Variants in IMMP2L observed in about 807,000 individuals in gnomAD.
The protein encoded by IMMP2L is inner mitochondrial membrane peptidase subunit 2, also known as mitochondrial inner membrane protease subunit 2.
IMMP2L carries 18 observed loss-of-function variants against 19.3 expected under a neutral mutation model. That is an observed-to-expected ratio of 0.93 (90% CI 0.64 to 1.38). The LOEUF (loss-of-function observed/expected upper bound fraction) is 1.38, where lower values mean the gene tolerates loss of function less well. IMMP2L is among the 40% of genes most tolerant of loss of function. The probability of loss-of-function intolerance (pLI) is 0.00; values close to 1 mark genes in which losing one functional copy is unlikely to be tolerated. For synonymous variants in IMMP2L, 76 were observed against 73.0 expected, an observed-to-expected ratio of 1.04 and a Z score of -0.21; for missense variants, 233 against 218.2, an observed-to-expected ratio of 1.07 and a Z score of -0.43.
intron 3 of IMMP2L, among the ~76,000 whole-genome samples, chr7:110,981,032 G>T (rs1298971591): frequency 1.3e-5 from 2 of 152,260 alleles, no homozygotes; most frequent in Non-Finnish European, 2.9e-5. Flanking sequence ...CCTCAGTAAA[G>T]TACACTATTA....
intron 3 of IMMP2L, among the ~76,000 whole-genome samples, chr7:111,373,727 G>A (rs2131134227): frequency 6.6e-6 from 1 of 152,042 alleles, no homozygotes; most frequent in East Asian, 1.9e-4. Flanking sequence ...AAAATAGTAA[G>A]ATTATACTCT....
chr7:111,505,273 G>T (rs1388547983), intron 2 of IMMP2L, among the ~76,000 whole-genome samples: 2 of 151,058 alleles, frequency 1.3e-5, no homozygotes, highest in East Asian at 1.9e-4. Context: ...ACCACAATGA[G>T]ATACCATCTC....
chr7:111,508,294 A>T (rs961570424), intron 2 of IMMP2L, among the ~76,000 whole-genome samples: 2 of 152,140 alleles, frequency 1.3e-5, no homozygotes, highest in South Asian at 2.1e-4. Flanking sequence ...AAATAAAATT[A>T]AAAAAGTTTA....
intron 3 of IMMP2L, among the ~76,000 whole-genome samples, chr7:111,437,608 T>A (rs1218359684): frequency 6.6e-6 from 1 of 151,968 alleles, no homozygotes; most frequent in East Asian, 1.9e-4. Context: ...TAAAAGATTT[T>A]ATTTTTTAAA....
At chr7:110,769,385 C>T (rs187200202) in intron 5 of IMMP2L, among the ~76,000 whole-genome samples, 279 of 152,274 alleles carry the variant, frequency 1.8e-3, no homozygotes, top group Middle Eastern at 6.8e-3. Flanking sequence ...TGCATATAAG[C>T]TTTTAATTTA....
chr7:111,091,405 C>T (rs1411495826), intron 3 of IMMP2L: 2 of 152,032 alleles, frequency 1.3e-5, no homozygotes, highest in African/African-American at 4.8e-5. Flanking sequence ...CTATTTATAC[C>T]GGGCAAGAAC....
chr7:110,999,139 A>C (rs1423479651), intron 3 of IMMP2L, among the ~76,000 whole-genome samples: 2 of 151,836 alleles, frequency 1.3e-5, no homozygotes, highest in Non-Finnish European at 2.9e-5. Flanking sequence ...TTGTTAAGGC[A>C]TTTTTTTCTT....
chr7:110,700,426 T>G (rs142179502), intron 5 of IMMP2L, among the ~76,000 whole-genome samples: 1 of 152,320 alleles, frequency 6.6e-6, no homozygotes, highest in African/African-American at 2.4e-5. Flanking sequence ...TTTACCTTGC[T>G]TTGGTGAATC....
At chr7:111,554,018 C>A (rs76330219) in intron 1 of IMMP2L, among the ~76,000 whole-genome samples, 2 of 152,192 alleles carry the variant, frequency 1.3e-5, no homozygotes, top group East Asian at 3.9e-4. Flanking sequence ...ACTAAGGATA[C>A]GTAACTATTA....
intron 3 of IMMP2L, among the ~76,000 whole-genome samples, chr7:111,443,206 T>C (rs2131811573): frequency 6.6e-6 from 1 of 152,004 alleles, no homozygotes; most frequent in Admixed American, 6.5e-5. Context: ...TCCAAAAAGG[T>C]AATTCACACA....
At chr7:110,822,532 C>T (rs1234118374) in intron 5 of IMMP2L, among the ~76,000 whole-genome samples, 1 of 152,056 alleles carries the variant, frequency 6.6e-6, no homozygotes, top group Non-Finnish European at 1.5e-5. Flanking sequence ...GAAATTTTTC[C>T]TTACCTGTCT....
intron 5 of IMMP2L, among the ~76,000 whole-genome samples, chr7:110,824,755 C>G (rs113817909): frequency 7.2e-5 from 11 of 152,076 alleles, no homozygotes; most frequent in African/African-American, 2.4e-4. Flanking sequence ...GCTGGCAATT[C>G]AATACCACAG....
chr7:111,039,590 C>G (rs996715111), intron 3 of IMMP2L, among the ~76,000 whole-genome samples: 59 of 152,102 alleles, frequency 3.9e-4, no homozygotes, highest in African/African-American at 1.3e-3. Context: ...GAGCTCTCCC[C>G]CCTTTGTATT....
chr7:111,243,488 T>C (rs1023205746), intron 3 of IMMP2L, among the ~76,000 whole-genome samples: 1 of 148,988 alleles, frequency 6.7e-6, no homozygotes, highest in African/African-American at 2.5e-5. Flanking sequence ...AAGTAAAGTG[T>C]TCAACTCTAT....
chr7:110,858,421 G>T lies in IMMP2L; in HGVS notation c.408+28172C>A, dbSNP rs369430905. ...AATCAAACTCCTTGGACTAGCAGAG[G>T]GGGAGGGGGACAGGGAGAATCAAAA... is the stretch of plus-strand genomic sequence containing the variant. On this transcript the variant is annotated intron_variant, in intron 5 of 5. Transcript: ENST00000405709. 2.0e-5 allele frequency among the ~76,000 whole-genome samples: 3 copies of T among 151,924 alleles called. No homozygotes were observed. The East Asian group carries it at 5.8e-4, about 29-fold the overall frequency.
At chr7:111,486,593 G>A (rs1842673568) in intron 3 of IMMP2L, among the ~76,000 whole-genome samples, 1 of 152,088 alleles carries the variant, frequency 6.6e-6, no homozygotes, top group African/African-American at 2.4e-5. Flanking sequence ...TACTTTTAAA[G>A]CAAACAAACA....
intron 3 of IMMP2L, among the ~76,000 whole-genome samples, chr7:110,984,374 G>A (rs1049188387): frequency 2.7e-5 from 4 of 150,864 alleles, no homozygotes; most frequent in African/African-American, 4.9e-5. Flanking sequence ...TCAAATTCAC[G>A]AAAATATTTA....
chr7:111,217,122 TCTCTCACACACACA>T (rs1337980507), intron 3 of IMMP2L, among the ~76,000 whole-genome samples: 7 of 140,394 alleles, frequency 5.0e-5, no homozygotes, highest in Non-Finnish European at 1.1e-4. Context: ...TCTCTCTCTC[TCTCTCACACACACA>T]CACACACACA....
At chr7:111,024,318 G>A (rs190299547) in intron 3 of IMMP2L, among the ~76,000 whole-genome samples, 47 of 152,254 alleles carry the variant, frequency 3.1e-4, no homozygotes, top group African/African-American at 1.0e-3. Context: ...AGGCACATCA[G>A]CTGATCAGGA....
Sources: gnomAD v4.1 joint callset for allele counts (sites outside exome capture counted in the v4.1 genomes callset) on GRCh38, gnomAD v4.1.1 for gene constraint, MANE v1.5 for transcripts, NCBI Gene and HGNC (gene_info 2026-07-23, HGNC 2026-07-21) for gene names.